The following TENM2 variants were observed in gnomAD, a reference collection of about 807,000 sequenced individuals.
TENM2 encodes teneurin-2.
In TENM2, 52 loss-of-function variants were observed where a neutral mutation model predicts 245.2. The ratio of observed to expected loss-of-function variants is 0.21; its 90% confidence interval spans 0.17 to 0.27. TENM2 has a LOEUF of 0.27. Among genes scored for constraint, TENM2 ranks in the 10% least tolerant of loss-of-function variants. The probability of loss-of-function intolerance (pLI) is 1.00; values close to 1 mark genes in which losing one functional copy is unlikely to be tolerated. For missense variants in TENM2, 3,046 were observed against 3,666.8 expected (o/e 0.83, Z 4.37); for synonymous variants, 1,363 against 1,438.9 (o/e 0.95, Z 1.19).
At chr5:167,060,231 C>T in the TENM2 span, among the ~76,000 whole-genome samples, 1 of 152,220 alleles carries the variant, frequency 6.6e-6, no homozygotes, top group African/African-American at 2.4e-5. Context: ...TTTACTACCT[C>T]TGCCTTGTAA....
rs1561968262 is a variant in TENM2, at chr5:167,452,961, A to ATAT, written c.502+77489_502+77490insATT. ...TATATATATATATATATATATATAT[A>ATAT]TTTAAAAAAAAAAACACTGGTATGG... is the stretch of plus-strand genomic sequence containing the variant. On this transcript the variant is annotated intron_variant, in intron 2 of 28. Transcript: ENST00000518659. 2.1e-3 allele frequency among the ~76,000 whole-genome samples: 164 copies of ATAT among 77,060 alleles called. 3 individuals are homozygous for ATAT. Among genetic ancestry groups the ATAT allele is most frequent in the African/African-American group, 6.3e-3 (153 of 24,334 alleles). 50.6% of individuals were successfully genotyped at this position (77,060 alleles called of 152,430 possible). A position where few individuals can be genotyped will look rare whatever the true frequency, so the allele number is the denominator to read the frequency against.
chr5:168,219,418 T>A (rs1379345436), intron 23 of TENM2, among the ~76,000 whole-genome samples: 1 of 152,200 alleles, frequency 6.6e-6, no homozygotes, highest in African/African-American at 2.4e-5. Context: ...CACAGACAGG[T>A]AGATAAACTC....
chr5:167,295,845 A>C (rs1484668871), intron 1 of TENM2, among the ~76,000 whole-genome samples: 1 of 152,112 alleles, frequency 6.6e-6, no homozygotes, highest in African/African-American at 2.4e-5. Context: ...TCCTGCACTG[A>C]CTGCCTTCCT....
intron 2 of TENM2, among the ~76,000 whole-genome samples, chr5:167,410,549 A>G (rs1225322254): frequency 3.5e-5 from 4 of 115,426 alleles, no homozygotes; most frequent in Non-Finnish European, 8.0e-5. Flanking sequence ...GTGTCTTACA[A>G]AAGAAAAAAA....
chr5:167,291,514 G>A (rs1754634233), intron 1 of TENM2, among the ~76,000 whole-genome samples: 1 of 152,164 alleles, frequency 6.6e-6, no homozygotes, highest in African/African-American at 2.4e-5. Context: ...AACATCACTG[G>A]AAAGAGTCCC....
At chr5:167,819,886 C>G (rs1038959865) in intron 2 of TENM2, among the ~76,000 whole-genome samples, 19 of 152,172 alleles carry the variant, frequency 1.2e-4, no homozygotes, top group African/African-American at 4.6e-4. Context: ...AGCGTGATTG[C>G]TCTCCATCCA....
chr5:167,415,899 G>C (rs1279483658), intron 2 of TENM2, among the ~76,000 whole-genome samples: 2 of 152,056 alleles, frequency 1.3e-5, no homozygotes, highest in African/African-American at 4.8e-5. Context: ...AAATTAGCTG[G>C]CTGGATCAGT....
At chr5:167,262,401 G>T in the TENM2 span, among the ~76,000 whole-genome samples, 3 of 119,122 alleles carry the variant, frequency 2.5e-5, no homozygotes, top group African/African-American at 9.5e-5. Context: ...TTTTTTTTTG[G>T]GGGGGCGGTG....
intron 17 of TENM2, among the ~76,000 whole-genome samples, chr5:168,200,946 A>G (rs1761883710): frequency 6.6e-6 from 1 of 152,248 alleles, no homozygotes; most frequent in Non-Finnish European, 1.5e-5. Context: ...GTAGGAAACT[A>G]GCAACCTCAG....
At chr5:168,204,102 C>G (rs1243153542) in intron 18 of TENM2, among the ~76,000 whole-genome samples, 5 of 151,960 alleles carry the variant, frequency 3.3e-5, no homozygotes, top group African/African-American at 1.2e-4. Context: ...CCTCGACTTC[C>G]CGGGCTCAAA....
intron 3 of TENM2, among the ~76,000 whole-genome samples, chr5:167,887,049 A>G (rs147592244): frequency 2.0e-5 from 3 of 152,304 alleles, no homozygotes; most frequent in South Asian, 4.1e-4. Flanking sequence ...CATGACTACT[A>G]TTCCTCCTCA....
intron 2 of TENM2, among the ~76,000 whole-genome samples, chr5:167,827,632 G>GGA (rs527669382): frequency 8.1e-6 from 1 of 123,004 alleles, no homozygotes; most frequent in South Asian, 3.4e-4. Context: ...GGTGGGCGGG[G>GGA]GGGGGGGAAC....
chr5:167,815,724 C>A (rs1766995245), intron 2 of TENM2, among the ~76,000 whole-genome samples: 1 of 151,962 alleles, frequency 6.6e-6, no homozygotes, highest in South Asian at 2.1e-4. Context: ...TGACTGTGAT[C>A]TTTTTTCTTG....
chr5:167,743,176 T>C (rs1233893732), intron 2 of TENM2, among the ~76,000 whole-genome samples: 2 of 152,186 alleles, frequency 1.3e-5, no homozygotes, highest in African/African-American at 4.8e-5. Context: ...GGCTAGAGTG[T>C]AAAAGTCCAA....
intron 1 of TENM2, chr5:167,297,653 A>C (rs1755025382): frequency 6.6e-6 from 1 of 152,174 alleles, no homozygotes; most frequent in Non-Finnish European, 1.5e-5. Flanking sequence ...ATGTGAAGAG[A>C]CCACCAAACA....
At chr5:167,179,948 G>A in the TENM2 span, among the ~76,000 whole-genome samples, 1 of 152,282 alleles carries the variant, frequency 6.6e-6, no homozygotes, top group Non-Finnish European at 1.5e-5. Flanking sequence ...CAGAGCAGAC[G>A]TGGAGGATAT....
intron 1 of TENM2, among the ~76,000 whole-genome samples, chr5:167,302,249 G>C (rs757782157): frequency 2.0e-5 from 3 of 152,078 alleles, no homozygotes; most frequent in Admixed American, 6.6e-5. Flanking sequence ...GTTTATATTG[G>C]GGTCAAGTGG....
At chr5:167,723,503 T>A (rs1449127057) in intron 2 of TENM2, among the ~76,000 whole-genome samples, 2 of 152,198 alleles carry the variant, frequency 1.3e-5, no homozygotes, top group East Asian at 3.9e-4. Flanking sequence ...TTCAATGGCC[T>A]CCCATTTCAC....
chr5:167,441,002 T>G (rs1399555504), intron 2 of TENM2, among the ~76,000 whole-genome samples: 1 of 152,064 alleles, frequency 6.6e-6, no homozygotes. Flanking sequence ...GCTAACCTCC[T>G]CCCCAACTTC....
Sources: allele counts gnomAD v4.1 joint callset (sites outside exome capture counted in the v4.1 genomes callset), GRCh38; gene constraint gnomAD v4.1.1; transcripts MANE v1.5; gene names NCBI Gene and HGNC (gene_info 2026-07-23, HGNC 2026-07-21).